RPAP1: variants seen among roughly 807,000 people sequenced by gnomAD.
RPAP1 encodes the protein RNA polymerase II-associated protein 1.
In RPAP1, 109 loss-of-function variants were observed where a neutral mutation model predicts 142.4. The ratio of observed to expected loss-of-function variants is 0.77; its 90% CI spans 0.66 to 0.90. The LOEUF (loss-of-function observed/expected upper bound fraction) is 0.90, where lower values mean the gene tolerates loss of function less well. Among genes scored for constraint, RPAP1 ranks in the 40% least tolerant of loss-of-function variants. The probability of loss-of-function intolerance (pLI) is 0.00; values close to 1 mark genes in which losing one functional copy is unlikely to be tolerated. For missense variants in RPAP1, 1,546 were observed against 1,751.7 expected, an observed-to-expected ratio of 0.88 and a Z score of 2.10; for synonymous variants, 704 against 738.9, an observed-to-expected ratio of 0.95 and a Z score of 0.77.
At chr15:41,536,319 T>G (rs1273560221) in intron 3 of RPAP1, 101 bp from the exon 4 acceptor site, 25 of 1,340,150 alleles carry the variant, frequency 1.9e-5, no homozygotes, top group South Asian at 1.1e-4. Context: ...AACCTCACTC[T>G]GGGGGGTTAC....
chr15:41,531,619 ATATATATATTTTTTTTTT>A (rs1293176694), intron 6 of RPAP1, among the ~76,000 whole-genome samples: 124 of 27,152 alleles, frequency 4.6e-3, no homozygotes, highest in East Asian at 7.2e-3. Flanking sequence ...ATATATATAT[ATATATATATTTTTTTTTT>A]TTTTTTTTTT....
intron 14 of RPAP1, among the ~76,000 whole-genome samples, chr15:41,525,775 C>A (rs1263572158): frequency 6.6e-6 from 1 of 152,112 alleles, no homozygotes; most frequent in African/African-American, 2.4e-5. Flanking sequence ...CTGCCTCAGC[C>A]TCTGGAGTAG....
chr15:41,521,593 G>T (rs751924726), intron 21 of RPAP1, 145 bp downstream of exon 21: 12 of 857,334 alleles, frequency 1.4e-5, no homozygotes, highest in Non-Finnish European at 2.1e-5. Context: ...CTTCACTAAT[G>T]AGGTAATGGA....
At position 41,536,980 on chromosome 15, in the gene RPAP1, G is replaced by C; in HGVS notation, c.146C>G (p.Pro49Arg). 6.2e-7 allele frequency: 1 copy of C among 1,614,070 alleles called. No homozygotes were observed. Among genetic ancestry groups the C allele is most frequent in the Non-Finnish European group, 8.5e-7 (1 of 1,180,012 alleles). The stretch of plus-strand genomic sequence containing the variant: ...CACCACATCCCGATGGTCCTGGAGC[G>C]GAGGCCGGTCTGAGTTGGCATCACC... The part of the protein sequence containing the change: ...GGGDANSDRP[P>R]LQDHRDVVML... Residue 49 changes from proline to arginine, a missense_variant, in exon 2 of 25, where the codon CCG becomes CGG. Coordinates refer to ENST00000304330, the MANE Select transcript of RPAP1 (RefSeq NM_015540.4).
At chr15:41,522,407 T>G in intron 19 of RPAP1, 157 bp from the exon 20 acceptor site, 1 of 715,556 alleles carries the variant, frequency 1.4e-6, no homozygotes, top group Non-Finnish European at 2.3e-6. Flanking sequence ...TGGTTTTTTT[T>G]GAGATGGAGT....
chr15:41,523,476 G>A, intron 17 of RPAP1, 122 bp from the exon 18 acceptor site: 1 of 696,222 alleles, frequency 1.4e-6, no homozygotes, highest in Non-Finnish European at 2.5e-6. Flanking sequence ...GCTTCTGCAG[G>A]CTGAGCCTTC....
At chr15:41,535,781 A>G (rs1180986832) in intron 4 of RPAP1, 149 bp from the exon 5 acceptor site, 1 of 1,172,662 alleles carries the variant, frequency 8.5e-7, no homozygotes, top group Non-Finnish European at 1.2e-6. Flanking sequence ...GAAAAAGGAG[A>G]GGTCTATAAG....
intron 5 of RPAP1, 52 bp from the exon 6 acceptor site, chr15:41,534,987 TG>T: frequency 6.4e-7 from 1 of 1,556,528 alleles, no homozygotes; most frequent in Non-Finnish European, 8.8e-7. Flanking sequence ...GGGCTCTAAC[TG>T]GGCTTTTTGG....
Position 41,534,841 on chromosome 15 carries a change from C to A in RPAP1, c.636G>T (p.Gly212=). 6.2e-7 allele frequency: 1 copy of A among 1,614,184 alleles called. No homozygotes were observed. The highest frequency in any genetic ancestry group is 8.5e-7 in the Non-Finnish European group (1 of 1,180,024). ...CAGCTTCTTGATCCCTGAGCCCCTT[C>A]CCTGTGACCAGATTGGGTCCCTGAA... ...HSFQGPNLVT[G]KGLRDQEAEQ... is the part of the protein sequence containing the mutation. The change falls in exon 6 of 25, where the codon GGG becomes GGT. Residue 212 remains glycine, a synonymous_variant. Coordinates refer to ENST00000304330, the MANE Select transcript of RPAP1 (RefSeq NM_015540.4).
chr15:41,522,304 G>A, intron 19 of RPAP1, 54 bp from the exon 20 acceptor site: 1 of 1,548,610 alleles, frequency 6.5e-7, no homozygotes. Context: ...TGCCTTCTAG[G>A]GCTCCCCAGG....
chr15:41,520,993 G>A lies in RPAP1; in HGVS notation c.3193C>T (p.Pro1065Ser), dbSNP rs770622940. The A allele has an allele frequency of 1.2e-5, 20 of 1,607,274 alleles. No individual in the cohort carries two copies. Among genetic ancestry groups the A allele is most frequent in the South Asian group, 1.0e-4 (9 of 89,766 alleles). The change falls in exon 22 of 25, where the codon CCA becomes TCA. Residue 1065 changes from proline (P) to serine (S), a missense_variant. Transcript: ENST00000304330. ...IRNCYLTHCS[P>S]ARASLLASQA... ...GAGGCCAGCAGACTGGCTCGGGCTG[G>A]CGAGCAATGAGTCAGGTAGCAGTTG...
Position 41,537,020 on chromosome 15 carries a change from C to T in RPAP1, c.106G>A (p.Gly36Arg). ...AAPAVQLVKK[G>R]NRGGGDANSD... is the part of the protein sequence containing the mutation. The stretch of plus-strand genomic sequence containing the variant: ...TTGGCATCACCACCGCCCCTATTTC[C>T]TTTCTTCACCAACTGCACTGCTGGG... The change falls in exon 2 of 25, where the codon GGA (glycine) becomes AGA (arginine). Residue 36 changes from glycine (G) to arginine (R), a missense_variant. Around this residue, in one of 3 missense-constraint regions of RPAP1, gnomAD observed 1,333 missense variants for 1,486.6 expected, o/e 0.90. Transcript: ENST00000304330. The T allele has an allele frequency of 6.2e-7, 1 of 1,614,136 alleles. No homozygotes were observed. The highest frequency in any genetic ancestry group is 1.1e-5 in the South Asian group (1 of 91,088).
In RPAP1 at chr15:41,523,409, C is replaced by T. The variant is rs988282624; in HGVS notation, c.2437-55G>A. 40 of 1,169,744 alleles carry T rather than the reference C, an allele frequency of 3.4e-5. No homozygotes were observed. The Admixed American group carries it at 7.4e-4, about 22-fold the overall frequency. The allele number at this position is 1,169,744 out of a possible 1,614,324, so 72.5% of individuals were successfully genotyped here. A position where few individuals can be genotyped will look rare whatever the true frequency, so the allele number is the denominator to read the frequency against. ...TGGCCCAGCCATTCATTCTCCTAGACCCTGTGTACCCAGGCCAATGCCACC... is the reference window on the plus strand; with the variant it reads ...TGGCCCAGCCATTCATTCTCCTAGATCCTGTGTACCCAGGCCAATGCCACC... On this transcript the variant is annotated intron_variant, in intron 17 of 24. Coordinates refer to ENST00000304330, the MANE Select transcript of RPAP1 (RefSeq NM_015540.4).
chr15:41,526,900 G>T lies in RPAP1; in HGVS notation c.1915C>A (p.Leu639Met), dbSNP rs780591604. 2 of 1,610,144 alleles carry T rather than the reference G, an allele frequency of 1.2e-6. No homozygotes were observed. Among genetic ancestry groups the T allele is most frequent in the East Asian group, 4.5e-5 (2 of 44,752 alleles). ...CCCTTGCCCTGTGTCCTGCTCACCA[G>T]CCGGGCAGCAATATTCCTCCCAGCT... is the stretch of plus-strand genomic sequence containing the variant. ...ASAGRNIAAR[L>M]LSSFDLRSRL... is the part of the protein sequence containing the mutation. The change falls in exon 14 of 25, where the codon CTG becomes ATG. Residue 639 changes from leucine to methionine, a missense_variant and splice_region_variant. Transcript: ENST00000304330.
chr15:41,520,091 G>A lies in RPAP1; in HGVS notation c.3795+300C>T, dbSNP rs8026193. 39,037 of 332,932 alleles carry A rather than the reference G, an allele frequency of 0.12. 2,847 individuals carry two copies. Among genetic ancestry groups the A allele is most frequent in the East Asian group, 0.35 (5,090 of 14,354 alleles). The allele number at this position is 332,932 out of a possible 1,614,324, so 20.6% of individuals were successfully genotyped here. On this transcript the variant is annotated intron_variant, in intron 22 of 24. Transcript: ENST00000304330. ...TGGGACTACAGGCACCCGCAACCAC[G>A]CCCAGCTAAGTTTTGTATTTTTAGT...
chr15:41,523,329 A>G lies in RPAP1; in HGVS notation c.2462T>C (p.Leu821Pro). 3.1e-6 allele frequency: 5 copies of G among 1,609,092 alleles called. No homozygotes were observed. Among genetic ancestry groups the G allele is most frequent in the Non-Finnish European group, 4.2e-6 (5 of 1,177,870 alleles). ...CTCTGACAGGCGCTGCATGTCCTGG[A>G]GCCAATCCTCCGGGCATGAGCTTGG... ...QQPSSCPEDWLQDMQRLSEEL... is the reference protein window; with the variant it reads ...QQPSSCPEDWPQDMQRLSEEL... Residue 821 changes from leucine (L) to proline (P), a missense_variant, in exon 18 of 25, where the codon CTC becomes CCC. Physicochemically the swap from Leu to Pro is moderately conservative, Grantham distance 98. Around this residue, in one of 3 missense-constraint regions of RPAP1, gnomAD observed 1,333 missense variants for 1,486.6 expected, o/e 0.90. Coordinates refer to ENST00000304330, the MANE Select transcript of RPAP1 (RefSeq NM_015540.4).
At chr15:41,537,883 C>CA (rs34270949) in intron 1 of RPAP1, among the ~76,000 whole-genome samples, 45,064 of 131,314 alleles carry the variant, frequency 0.34, 7,869 homozygotes, top group East Asian at 0.47. Flanking sequence ...AACTCCGTCT[C>CA]AAAAAAAAAA....
intron 1 of RPAP1, among the ~76,000 whole-genome samples, chr15:41,542,528 T>C (rs763018209): frequency 3.9e-5 from 6 of 152,236 alleles, no homozygotes; most frequent in Non-Finnish European, 7.3e-5. Context: ...GGCATAGAAC[T>C]TGTATTAATT....
At chr15:41,536,319 T>TG in intron 3 of RPAP1, 101 bp from the exon 4 acceptor site, 1 of 1,340,264 alleles carries the variant, frequency 7.5e-7, no homozygotes, top group Non-Finnish European at 1.1e-6. Context: ...AACCTCACTC[T>TG]GGGGGGTTAC....
Sources: allele counts gnomAD v4.1 joint callset (sites outside exome capture counted in the v4.1 genomes callset), GRCh38; gene constraint gnomAD v4.1.1; regional missense constraint gnomAD v4.1.1; transcripts MANE v1.5; gene names NCBI Gene and HGNC (gene_info 2026-07-23, HGNC 2026-07-21).